The following NEK10 variants were observed in gnomAD, a reference collection of about 807,000 sequenced individuals.
The protein encoded by NEK10 is serine/threonine-protein kinase Nek10.
A neutral mutation model predicts 159.8 loss-of-function variants in NEK10; 122 were observed. That is an observed-to-expected ratio of 0.76 (90% CI 0.66 to 0.89). The LOEUF (loss-of-function observed/expected upper bound fraction) is 0.89, where lower values mean the gene tolerates loss of function less well. NEK10 is among the 40% of genes least tolerant of loss of function. The probability of loss-of-function intolerance (pLI) is 0.00; values close to 1 mark genes in which losing one functional copy is unlikely to be tolerated. For missense variants in NEK10, 1,342 were observed against 1,323.1 expected, an observed-to-expected ratio of 1.01 and a Z score of -0.22; for synonymous variants, 466 against 457.1, an observed-to-expected ratio of 1.02 and a Z score of -0.25.
At chr3:27,336,727 A>G (rs1271675948) in intron 5 of NEK10, among the ~76,000 whole-genome samples, 4 of 152,144 alleles carry the variant, frequency 2.6e-5, no homozygotes, top group Non-Finnish European at 4.4e-5. Flanking sequence ...CATCACATCA[A>G]CAGAATGAAC....
chr3:27,294,532 C>G (rs1223711314), intron 15 of NEK10, among the ~76,000 whole-genome samples: 1 of 152,338 alleles, frequency 6.6e-6, no homozygotes, highest in Non-Finnish European at 1.5e-5. Context: ...CGAAATGTCT[C>G]TGCAGGATGG....
intron 23 of NEK10, among the ~76,000 whole-genome samples, chr3:27,237,530 G>C (rs1038631000): frequency 6.6e-6 from 1 of 152,136 alleles, no homozygotes; most frequent in African/African-American, 2.4e-5. Context: ...GCTCCAGCCG[G>C]TCCCTCCGTT....
chr3:27,331,262 A>AAAAAAAAAAAAAAAAAAAAAAC lies in NEK10; in HGVS notation c.363-9002_363-9001insGTTTTTTTTTTTTTTTTTTTTT. Among the ~76,000 whole-genome samples, 271 of 110,036 alleles carry AAAAAAAAAAAAAAAAAAAAAAC rather than the reference A, an allele frequency of 2.5e-3. 68 individuals carry two copies. The highest frequency in any genetic ancestry group is 3.8e-3 in the Non-Finnish European group (196 of 50,990). 72.2% of individuals were successfully genotyped at this position (110,036 alleles called of 152,430 possible). A position where few individuals can be genotyped will look rare whatever the true frequency, so the allele number is the denominator to read the frequency against. On this transcript the variant is annotated intron_variant, in intron 5 of 35. Coordinates refer to ENST00000691995, the MANE Select transcript of NEK10 (RefSeq NM_001394966.1). ...CAAAAAAAAAAAAACAAAAAAAAAA[A>AAAAAAAAAAAAAAAAAAAAAAC]ACACACAAACCTAAGACTTTTGAGG... is the stretch of plus-strand genomic sequence containing the variant.
At chr3:27,201,625 G>A in intron 24 of NEK10, 45 bp from the exon 25 acceptor site, 1 of 1,420,420 alleles carries the variant, frequency 7.0e-7, no homozygotes, top group Non-Finnish European at 9.9e-7. Flanking sequence ...AGGGGCCACG[G>A]ATGTCTTTGA....
intron 33 of NEK10, among the ~76,000 whole-genome samples, chr3:27,116,400 G>A (rs1039737152): frequency 2.0e-5 from 3 of 152,000 alleles, no homozygotes; most frequent in Non-Finnish European, 4.4e-5. Flanking sequence ...AAAGTTAGAG[G>A]TGTGTGTGTG....
rs2046567518 is a variant in NEK10, at chr3:27,333,412, G to A, written c.362+10860C>T. Among the ~76,000 whole-genome samples, 4 of 152,040 alleles carry A rather than the reference G, an allele frequency of 2.6e-5. No homozygotes were observed. In the South Asian group the frequency reaches 8.3e-4, roughly 32 times the overall value. ...AATACAAAAATTAGCCCAGTGTGGT[G>A]GCAGGCACCTGTAATCCTAGCTATT... On this transcript the variant is annotated intron_variant, in intron 5 of 35. Coordinates refer to ENST00000691995, the MANE Select transcript of NEK10 (RefSeq NM_001394966.1).
intron 23 of NEK10, among the ~76,000 whole-genome samples, chr3:27,253,894 G>A (rs1365935136): frequency 6.6e-6 from 1 of 152,158 alleles, no homozygotes; most frequent in East Asian, 1.9e-4. Context: ...TCCAGTACAA[G>A]TCTATGGCAT....
chr3:27,171,112 C>T (rs1946941378), intron 29 of NEK10, among the ~76,000 whole-genome samples: 1 of 152,214 alleles, frequency 6.6e-6, no homozygotes, highest in Non-Finnish European at 1.5e-5. Context: ...TCTGCTCCCT[C>T]TAATCTCACC....
chr3:27,204,942 C>G (rs1408584087), intron 23 of NEK10, among the ~76,000 whole-genome samples: 1 of 142,202 alleles, frequency 7.0e-6, no homozygotes, highest in Non-Finnish European at 1.5e-5. Flanking sequence ...TAAAAGTGTT[C>G]CTATTTCTCC....
intron 30 of NEK10, among the ~76,000 whole-genome samples, chr3:27,152,220 A>G (rs1436598195): frequency 6.6e-6 from 1 of 152,190 alleles, no homozygotes; most frequent in African/African-American, 2.4e-5. Context: ...GATGAAGGAA[A>G]GAATCTTAAG....
intron 23 of NEK10, among the ~76,000 whole-genome samples, chr3:27,232,872 A>C (rs1172579204): frequency 6.6e-6 from 1 of 152,128 alleles, no homozygotes; most frequent in Non-Finnish European, 1.5e-5. Context: ...TAGAAGAATA[A>C]AACTGGATCC....
chr3:27,168,899 G>T (rs1230305424), intron 29 of NEK10, among the ~76,000 whole-genome samples: 1 of 152,176 alleles, frequency 6.6e-6, no homozygotes, highest in Non-Finnish European at 1.5e-5. Flanking sequence ...ATGATCTTCA[G>T]ATTAAACCTT....
chr3:27,122,394 G>A (rs1335450047), intron 32 of NEK10, among the ~76,000 whole-genome samples: 1 of 152,054 alleles, frequency 6.6e-6, no homozygotes, highest in Non-Finnish European at 1.5e-5. Context: ...GCCTGAGAAT[G>A]GACTAATATA....
intron 14 of NEK10, 37 bp downstream of exon 14, chr3:27,297,142 G>T (rs1250134629): frequency 1.8e-5 from 26 of 1,442,744 alleles, no homozygotes; most frequent in Middle Eastern, 1.7e-4. Flanking sequence ...ATTATGAATG[G>T]TTATGGAGAC....
At chr3:27,145,774 C>G (rs957325625) in intron 30 of NEK10, among the ~76,000 whole-genome samples, 8 of 151,982 alleles carry the variant, frequency 5.3e-5, no homozygotes, top group Non-Finnish European at 1.2e-4. Context: ...GTGCTGTGGT[C>G]TAAATGCTTC....
chr3:27,349,704 C>T (rs1174427122), intron 3 of NEK10, among the ~76,000 whole-genome samples: 1 of 152,104 alleles, frequency 6.6e-6, no homozygotes, highest in African/African-American at 2.4e-5. Flanking sequence ...CAGGTCTCAT[C>T]AGGTTGCTTC....
intron 15 of NEK10, 100 bp downstream of exon 15, chr3:27,295,513 C>A: frequency 7.1e-7 from 1 of 1,413,676 alleles, no homozygotes; most frequent in South Asian, 1.5e-5. Context: ...GTACAGGGAC[C>A]AGTACTAACC....
At chr3:27,326,735 T>C (rs1303835907) in intron 5 of NEK10, among the ~76,000 whole-genome samples, 2 of 152,230 alleles carry the variant, frequency 1.3e-5, no homozygotes, top group Admixed American at 6.5e-5. Context: ...GCTATTAATA[T>C]TTCTACGCGG....
At position 27,312,281 on chromosome 3, in the gene NEK10, A is replaced by G. The variant is rs578230393; in HGVS notation, c.490-104T>C. The G allele has an allele frequency of 2.2e-5, 13 of 581,052 alleles. No individual in the cohort carries two copies. In the African/African-American group the frequency reaches 2.5e-4, roughly 11 times the overall value. The allele number at this position is 581,052 out of a possible 1,614,324, so 36.0% of individuals were successfully genotyped here. A position where few individuals can be genotyped will look rare whatever the true frequency, so the allele number is the denominator to read the frequency against. On this transcript the variant is annotated intron_variant, in intron 7 of 35. Transcript: ENST00000691995. ...CTTAAAATAAACTGTAGGTGGCAAA[A>G]CAGATTCATCAAATAATACTCTCAT...
Sources: allele counts gnomAD v4.1 joint callset (sites outside exome capture counted in the v4.1 genomes callset), GRCh38; gene constraint gnomAD v4.1.1; transcripts MANE v1.5; gene names NCBI Gene and HGNC (gene_info 2026-07-23, HGNC 2026-07-21).